The following SYT7 variants were observed in gnomAD, a reference collection of about 807,000 sequenced individuals.
SYT7 encodes synaptotagmin 7, also known as synaptotagmin-7.
Under a neutral mutation model 75.1 loss-of-function variants are expected in SYT7, and 29 were observed. The observed-to-expected ratio is 0.39, with a 90% CI of 0.29 to 0.53. SYT7 has a LOEUF of 0.53. Ranked by LOEUF, SYT7 falls within the 20% of genes least tolerant of loss-of-function variation. The pLI is 0.77. For synonymous variants in SYT7, 376 were observed against 401.7 expected (o/e 0.94, Z 0.76); for missense variants, 693 against 953.2 (o/e 0.73, Z 3.59).
intron 1 of SYT7, among the ~76,000 whole-genome samples, chr11:61,575,803 C>T (rs1484060097): frequency 3.3e-5 from 5 of 152,176 alleles, no homozygotes; most frequent in African/African-American, 7.2e-5. Context: ...CCTGGCACTT[C>T]GATAAGCACA....
chr11:61,519,523 CA>C (rs1442358071), intron 12 of SYT7, among the ~76,000 whole-genome samples: 1 of 152,208 alleles, frequency 6.6e-6, no homozygotes, highest in African/African-American at 2.4e-5. Context: ...GAGAAACTGT[CA>C]AGGGCCAGAG....
chr11:61,515,693 T>TG lies in SYT7; in HGVS notation c.*2933dup. ...TGCCAGAGGGCAGGTGCGGGGGTCC[T>TG]GGGGCGGGTGGAATTTGTACAGCAC... On this transcript the variant is annotated 3_prime_UTR_variant, in exon 13 of 13. Coordinates refer to ENST00000539008, the MANE Select transcript of SYT7 (RefSeq NM_001365809.2). 6.6e-6 allele frequency: 1 copy of TG among 152,548 alleles called. No homozygotes were observed. The highest frequency in any genetic ancestry group is 1.5e-5 in the Non-Finnish European group (1 of 68,024). The allele number at this position is 152,548 out of a possible 1,614,324, so 9.4% of individuals were successfully genotyped here.
rs2064085052 is a variant in SYT7, at chr11:61,576,569, C to A, written c.31+4221G>T. Among the ~76,000 whole-genome samples, 1 of 152,206 alleles carries A rather than the reference C, an allele frequency of 6.6e-6. No homozygotes were observed. The highest frequency in any genetic ancestry group is 1.5e-5 in the Non-Finnish European group (1 of 68,026). On this transcript the variant is annotated intron_variant, in intron 1 of 12. Transcript: ENST00000539008. This position sits in a 1 kb window ranked among gnomAD's most constrained non-coding sequence, Gnocchi z 4.1. ...CATCAGCTCCGGACTGGGCCTCCCG[C>A]CCCCACGTGACCCCTCCCAGCTCTT... is the stretch of plus-strand genomic sequence containing the variant.
chr11:61,554,425 C>T (rs565311733), intron 2 of SYT7, among the ~76,000 whole-genome samples: 28 of 152,102 alleles, frequency 1.8e-4, no homozygotes, highest in South Asian at 2.1e-4. Context: ...GAGGGGTGAA[C>T]GGACACGCAC....
In SYT7 at chr11:61,533,125, C is replaced by G; in HGVS notation, c.1065-1G>C. On this transcript the variant is annotated splice_acceptor_variant, in intron 7 of 12. Transcript: ENST00000539008. LOFTEE classifies it high-confidence loss of function. ...CACCGCCTTCCCTCCTGCAGGCAAC[C>G]TGAGGGCAGGGGAGTCCAAATGAGA... The G allele has an allele frequency of 6.3e-7, 1 of 1,592,492 alleles. No individual in the cohort carries two copies. Among genetic ancestry groups the G allele is most frequent in the Non-Finnish European group, 8.5e-7 (1 of 1,170,124 alleles).
chr11:61,540,358 G>T, intron 6 of SYT7: 1 of 324,854 alleles, frequency 3.1e-6, no homozygotes, highest in Non-Finnish European at 4.4e-6. Flanking sequence ...CAGCTAAATT[G>T]TAAAGCAAGG....
At chr11:61,570,133 G>A (rs987171524) in intron 1 of SYT7, among the ~76,000 whole-genome samples, 1 of 152,264 alleles carries the variant, frequency 6.6e-6, no homozygotes, top group African/African-American at 2.4e-5. Context: ...AGAGGAAACA[G>A]TGCCTGTCCA....
chr11:61,524,581 CG>C lies in SYT7; in HGVS notation c.1472-50del, dbSNP rs2062454079. ...TGAAGAGGGGGACAGAGGGGCTGCACGGGGCCCGGGAGGCAAGGAAGGCCCT... is the reference window on the plus strand; with the variant it reads ...TGAAGAGGGGGACAGAGGGGCTGCACGGGCCCGGGAGGCAAGGAAGGCCCT... On this transcript the variant is annotated intron_variant, in intron 9 of 12. Coordinates refer to ENST00000539008, the MANE Select transcript of SYT7 (RefSeq NM_001365809.2). This position sits in a 1 kb window ranked among gnomAD's most constrained non-coding sequence, Gnocchi z 4.1. 5.9e-6 allele frequency: 9 copies of C among 1,516,226 alleles called. No homozygotes were observed. The highest frequency in any genetic ancestry group is 7.1e-6 in the Non-Finnish European group (8 of 1,128,744). 93.9% of individuals were successfully genotyped at this position (1,516,226 alleles called of 1,614,324 possible). A position where few individuals can be genotyped will look rare whatever the true frequency, so the allele number is the denominator to read the frequency against.
At chr11:61,577,080 G>A (rs2064103857) in intron 1 of SYT7, among the ~76,000 whole-genome samples, 1 of 152,174 alleles carries the variant, frequency 6.6e-6, no homozygotes, top group South Asian at 2.1e-4. Flanking sequence ...CTATGCCCCA[G>A]CCCTCAAGCG....
At chr11:61,562,493 G>A (rs2063663578) in intron 1 of SYT7, among the ~76,000 whole-genome samples, 1 of 152,196 alleles carries the variant, frequency 6.6e-6, no homozygotes, top group Non-Finnish European at 1.5e-5. Context: ...GGCACTAAAT[G>A]CTAGCTATTA....
In SYT7 at chr11:61,524,010, C is replaced by T; in HGVS notation, c.1642-69G>A. ...AGCTCTCTGATTGGCCTAGCTGCCC[C>T]CAGGTCCCCTCTACCCTGACCTTGG... On this transcript the variant is annotated intron_variant, in intron 10 of 12. Transcript: ENST00000539008. The surrounding 1 kb of genome is among the most constrained non-coding windows in gnomAD (Gnocchi z 4.1). The T allele has an allele frequency of 7.0e-7, 1 of 1,421,160 alleles. No homozygotes were observed. The highest frequency in any genetic ancestry group is 9.9e-7 in the Non-Finnish European group (1 of 1,008,376). The allele number at this position is 1,421,160 out of a possible 1,614,324, so 88.0% of individuals were successfully genotyped here. A position where few individuals can be genotyped will look rare whatever the true frequency, so the allele number is the denominator to read the frequency against.
rs2064237472 is a variant in SYT7, at chr11:61,580,716, C to T, written c.31+74G>A. 14 of 1,055,854 alleles carry T rather than the reference C, an allele frequency of 1.3e-5. No individual in the cohort carries two copies. The highest frequency in any genetic ancestry group is 1.7e-5 in the Non-Finnish European group (14 of 833,676). The allele number at this position is 1,055,854 out of a possible 1,614,324, so 65.4% of individuals were successfully genotyped here. On this transcript the variant is annotated intron_variant, in intron 1 of 12. Coordinates refer to ENST00000539008, the MANE Select transcript of SYT7 (RefSeq NM_001365809.2). This position sits in a 1 kb window ranked among gnomAD's most constrained non-coding sequence, Gnocchi z 6.1. ...GGACAACAGCCCCAGGCTGGGGCTCCGAGACGGCGTCCGGCGCTGCCGCTG... is the reference window on the plus strand; with the variant it reads ...GGACAACAGCCCCAGGCTGGGGCTCTGAGACGGCGTCCGGCGCTGCCGCTG...
Position 61,542,426 on chromosome 11 carries a change from C to T in SYT7, c.726G>A (p.Gln242=), listed in dbSNP as rs776572741. The change falls in exon 6 of 13, where the codon CAG becomes CAA. Residue 242 remains glutamine, a synonymous_variant. Transcript: ENST00000539008. This position sits in a 1 kb window ranked among gnomAD's most constrained non-coding sequence, Gnocchi z 7.8. ...SQHQRGRQPS[Q]PTTSQSLGQL... is the part of the protein sequence containing the mutation. ...GGCCCAGGCTCTGGCTGGTGGTGGG[C>T]TGGCTGGGCTGCCGGCCCCGCTGGT... 1 of 1,532,704 alleles carries T rather than the reference C, an allele frequency of 6.5e-7. No individual in the cohort carries two copies. The highest frequency in any genetic ancestry group is 1.2e-5 in the South Asian group (1 of 83,886). 94.9% of individuals were successfully genotyped at this position (1,532,704 alleles called of 1,614,324 possible). A position where few individuals can be genotyped will look rare whatever the true frequency, so the allele number is the denominator to read the frequency against.
rs953267511 is a variant in SYT7 at position 61,514,643 on chromosome 11, T to C, written c.*3984A>G. Among the ~76,000 whole-genome samples the C allele has an allele frequency of 2.0e-5, 3 of 152,196 alleles. No individual in the cohort carries two copies. The highest frequency in any genetic ancestry group is 7.2e-5 in the African/African-American group (3 of 41,432). ...GGGATGGGGATGGTTATTGCTTTGT[T>C]GTGGCCAGAAGAAACAGGTGGAAGG... On this transcript the variant is annotated 3_prime_UTR_variant, in exon 13 of 13. Transcript: ENST00000539008.
At chr11:61,563,812 G>A (rs1296225541) in intron 1 of SYT7, among the ~76,000 whole-genome samples, 15 of 152,242 alleles carry the variant, frequency 9.9e-5, no homozygotes, top group Non-Finnish European at 1.5e-5. Flanking sequence ...AACTATTTTG[G>A]GTTAATAATT....
chr11:61,519,237 A>AC (rs1237002559), intron 12 of SYT7, among the ~76,000 whole-genome samples: 1 of 152,232 alleles, frequency 6.6e-6, no homozygotes, highest in Non-Finnish European at 1.5e-5. Flanking sequence ...TAAGAGACTT[A>AC]CCCACAGTCA....
chr11:61,566,377 G>A lies in SYT7; in HGVS notation c.32-10170C>T, dbSNP rs565897635. ...GCTTCAGTATTCAGCCTCAAAAGAG[G>A]AGGAAGGGGAGACTGGCCATCTGTA... On this transcript the variant is annotated intron_variant, in intron 1 of 12. Coordinates refer to ENST00000539008, the MANE Select transcript of SYT7 (RefSeq NM_001365809.2). Among the ~76,000 whole-genome samples the A allele has an allele frequency of 5.3e-5, 8 of 152,352 alleles. No homozygotes were observed. In the South Asian group the frequency reaches 1.7e-3, roughly 32 times the overall value.
At chr11:61,570,059 C>A (rs762098229) in intron 1 of SYT7, among the ~76,000 whole-genome samples, 1 of 152,242 alleles carries the variant, frequency 6.6e-6, no homozygotes, top group South Asian at 2.1e-4. Flanking sequence ...CACAGCAACA[C>A]GACCAGGAAC....
At chr11:61,547,035 G>T in intron 4 of SYT7, 142 bp downstream of exon 4, 3 of 1,102,938 alleles carry the variant, frequency 2.7e-6, no homozygotes, top group Non-Finnish European at 3.8e-6. Flanking sequence ...TGCCCATGGG[G>T]TGGATGGGTG....
Sources: allele counts gnomAD v4.1 joint callset (sites outside exome capture counted in the v4.1 genomes callset), GRCh38; gene constraint gnomAD v4.1.1; non-coding constraint Gnocchi (gnomAD v3.1); transcripts MANE v1.5; gene names NCBI Gene and HGNC (gene_info 2026-07-23, HGNC 2026-07-21).